SATB2: variants seen among roughly 807,000 people sequenced by gnomAD.
SATB2 encodes the protein DNA-binding protein SATB2.
In SATB2, 1 loss-of-function variant was observed where a neutral mutation model predicts 73.4. That is an observed-to-expected ratio of 0.01 (90% CI 0.00 to 0.06). The LOEUF (loss-of-function observed/expected upper bound fraction) is 0.06. Among genes scored for constraint, SATB2 ranks in the 10% least tolerant of loss-of-function variants. The pLI, the probability that SATB2 is intolerant of heterozygous loss-of-function variation, is 1.00. For synonymous variants in SATB2, 397 were observed against 367.0 expected (o/e 1.08, Z -0.93); for missense variants, 459 against 945.8 (o/e 0.49, Z 6.75).
chr2:199,281,482 T>C (rs73984023), intron 10 of SATB2, among the ~76,000 whole-genome samples: 32 of 150,658 alleles, frequency 2.1e-4, no homozygotes, highest in East Asian at 7.9e-4. Context: ...ATGAGATATA[T>C]ACACACACAC....
intron 2 of SATB2, among the ~76,000 whole-genome samples, chr2:199,441,597 T>C (rs562302280): frequency 2.6e-5 from 4 of 152,212 alleles, no homozygotes; most frequent in South Asian, 2.1e-4. Context: ...CTTTGGACAA[T>C]AAGAACAAAA....
intron 7 of SATB2, among the ~76,000 whole-genome samples, chr2:199,334,308 A>G (rs1197350572): frequency 3.3e-5 from 5 of 152,206 alleles, no homozygotes; most frequent in Non-Finnish European, 4.4e-5. Flanking sequence ...GATGACACTC[A>G]TCTTCAGAAA....
chr2:199,277,973 G>C (rs901030876), intron 10 of SATB2, among the ~76,000 whole-genome samples: 4 of 152,126 alleles, frequency 2.6e-5, no homozygotes, highest in South Asian at 2.1e-4. Context: ...AAACATTATG[G>C]TCTCCTGACT....
intron 10 of SATB2, among the ~76,000 whole-genome samples, chr2:199,305,360 GGGA>G (rs1424092792): frequency 6.6e-6 from 1 of 152,058 alleles, no homozygotes; most frequent in Non-Finnish European, 1.5e-5. Flanking sequence ...GGTAAAAGGT[GGGA>G]GGAGGGGGAG....
chr2:199,354,366 A>G (rs1688911344), intron 6 of SATB2, among the ~76,000 whole-genome samples: 1 of 152,122 alleles, frequency 6.6e-6, no homozygotes. Flanking sequence ...AAAAATAAAT[A>G]AATAAATAAA....
intron 10 of SATB2, among the ~76,000 whole-genome samples, chr2:199,305,427 T>C (rs1022495870): frequency 7.2e-5 from 11 of 152,122 alleles, no homozygotes; most frequent in African/African-American, 2.7e-4. Context: ...TGATGAAATA[T>C]CTGTACAACA....
At chr2:199,447,201 C>T (rs1165645048) in intron 2 of SATB2, among the ~76,000 whole-genome samples, 2 of 152,190 alleles carry the variant, frequency 1.3e-5, no homozygotes, top group East Asian at 1.9e-4. Flanking sequence ...GCAGCCCCTG[C>T]TGCCTGGCGG....
At chr2:199,465,914 T>C (rs1280896005), upstream of SATB2, among the ~76,000 whole-genome samples, 4 of 152,238 alleles carry the variant, frequency 2.6e-5, no homozygotes, top group Admixed American at 2.6e-4. Flanking sequence ...AATTAAAGTT[T>C]GCAAACCAAG....
chr2:199,389,986 T>C (rs1690082569), intron 3 of SATB2, among the ~76,000 whole-genome samples: 1 of 152,114 alleles, frequency 6.6e-6, no homozygotes, highest in South Asian at 2.1e-4. Flanking sequence ...ATGTAATAGA[T>C]GCTGCTTCAC....
chr2:199,330,905 C>T (rs1274954873), intron 7 of SATB2, among the ~76,000 whole-genome samples: 1 of 152,058 alleles, frequency 6.6e-6, no homozygotes, highest in Non-Finnish European at 1.5e-5. Flanking sequence ...CTCCCTTTCA[C>T]TCTCATAAAT....
At chr2:199,377,030 AAGG>A (rs1166029193) in intron 5 of SATB2, among the ~76,000 whole-genome samples, 6 of 152,314 alleles carry the variant, frequency 3.9e-5, no homozygotes, top group Admixed American at 2.0e-4. Flanking sequence ...ATGTGGAGAG[AAGG>A]AGATTACTAA....
At chr2:199,357,456 A>T (rs1180993727) in intron 6 of SATB2, among the ~76,000 whole-genome samples, 1 of 152,184 alleles carries the variant, frequency 6.6e-6, no homozygotes, top group East Asian at 1.9e-4. Context: ...GCCAGGAATA[A>T]TGGCAGCCCC....
chr2:199,313,633 A>G (rs1232547692), intron 9 of SATB2, among the ~76,000 whole-genome samples: 2 of 152,230 alleles, frequency 1.3e-5, no homozygotes, highest in Non-Finnish European at 2.9e-5. Flanking sequence ...GTGTTCCTGA[A>G]AAGTTGCATA....
Position 199,456,032 on chromosome 2 carries a change from C to T in SATB2, c.6G>A (p.Glu2=), listed in dbSNP as rs1256314860. Residue 2 remains glutamate, a synonymous_variant, in exon 2 of 11, where the codon GAG becomes GAA. Coordinates refer to ENST00000417098, the MANE Select transcript of SATB2 (RefSeq NM_001172509.2). M[E]RRSESPCLRD... ...GCAGACACGGGCTCTCGCTCCGCCGCTCCATGCTGCTCCGACTCGGAGACA... is the reference window on the plus strand; with the variant it reads ...GCAGACACGGGCTCTCGCTCCGCCGTTCCATGCTGCTCCGACTCGGAGACA... 1 of 1,546,328 alleles carries T rather than the reference C, an allele frequency of 6.5e-7. No homozygotes were observed. Among genetic ancestry groups the T allele is most frequent in the Admixed American group, 1.9e-5 (1 of 52,748 alleles).
At chr2:199,282,843 C>T (rs1574469043) in intron 10 of SATB2, among the ~76,000 whole-genome samples, 1 of 152,252 alleles carries the variant, frequency 6.6e-6, no homozygotes, top group East Asian at 1.9e-4. Flanking sequence ...ATACTACATA[C>T]ATCTTTGTAC....
intron 9 of SATB2, 86 bp from the exon 10 acceptor site, chr2:199,309,043 T>C: frequency 9.2e-7 from 1 of 1,086,972 alleles, no homozygotes; most frequent in Non-Finnish European, 1.4e-6. Context: ...GCCATCACAG[T>C]ACATCTTTTT....
At chr2:199,333,511 T>G (rs1031457554) in intron 7 of SATB2, among the ~76,000 whole-genome samples, 1 of 152,028 alleles carries the variant, frequency 6.6e-6, no homozygotes, top group Non-Finnish European at 1.5e-5. Flanking sequence ...CTGGGGAGTA[T>G]TAGAACATTT....
At chr2:199,433,113 C>T (rs934234539) in intron 3 of SATB2, among the ~76,000 whole-genome samples, 1 of 152,174 alleles carries the variant, frequency 6.6e-6, no homozygotes, top group Non-Finnish European at 1.5e-5. Flanking sequence ...AATCTATGAT[C>T]GGTTTGAAAT....
At chr2:199,297,041 T>C (rs896463894) in intron 10 of SATB2, among the ~76,000 whole-genome samples, 3 of 152,250 alleles carry the variant, frequency 2.0e-5, no homozygotes, top group Non-Finnish European at 4.4e-5. Flanking sequence ...CTATTTTAAA[T>C]GCACTTCAAA....
Sources: gnomAD v4.1 joint callset for allele counts (sites outside exome capture counted in the v4.1 genomes callset) on GRCh38, gnomAD v4.1.1 for gene constraint, MANE v1.5 for transcripts, NCBI Gene and HGNC (gene_info 2026-07-23, HGNC 2026-07-21) for gene names.